EPHA6: variants seen among roughly 807,000 people sequenced by gnomAD.
The protein encoded by EPHA6 is ephrin type-A receptor 6.
Under a neutral mutation model 112.0 loss-of-function variants are expected in EPHA6, and 50 were observed. The ratio of observed to expected loss-of-function variants is 0.45; its 90% confidence interval spans 0.36 to 0.56. The LOEUF (loss-of-function observed/expected upper bound fraction) is 0.56, where lower values mean the gene tolerates loss of function less well. Ranked by LOEUF, EPHA6 falls within the 20% of genes least tolerant of loss-of-function variation. EPHA6 has a pLI of 0.00. For synonymous variants in EPHA6, 529 were observed against 490.7 expected (o/e 1.08, Z -1.03); for missense variants, 1,280 against 1,417.4 (o/e 0.90, Z 1.56).
At chr3:97,494,757 T>A (rs2091934888) in intron 10 of EPHA6, among the ~76,000 whole-genome samples, 1 of 152,198 alleles carries the variant, frequency 6.6e-6, no homozygotes, top group Non-Finnish European at 1.5e-5. Context: ...GTACTCGTTC[T>A]GCAAAATTGA....
chr3:97,423,195 A>G (rs2088819869), intron 6 of EPHA6, among the ~76,000 whole-genome samples: 1 of 152,186 alleles, frequency 6.6e-6, no homozygotes, highest in South Asian at 2.1e-4. Flanking sequence ...ATTCAAATAA[A>G]AAGAGAGGAA....
intron 3 of EPHA6, among the ~76,000 whole-genome samples, chr3:97,040,645 C>G (rs992803485): frequency 2.0e-5 from 3 of 151,972 alleles, no homozygotes; most frequent in African/African-American, 7.2e-5. Flanking sequence ...TATAATGATC[C>G]AAGCATTCAT....
intron 3 of EPHA6, among the ~76,000 whole-genome samples, chr3:97,053,262 G>A (rs1261161004): frequency 6.6e-5 from 10 of 152,048 alleles, no homozygotes; most frequent in Non-Finnish European, 7.4e-5. Context: ...TAGTAAGTAA[G>A]GGTAGAGGTT....
rs145390895 is a variant in EPHA6 at position 97,103,140 on chromosome 3, G to C, written c.1114+115147G>C. Among the ~76,000 whole-genome samples the C allele has an allele frequency of 3.1e-3, 465 of 152,010 alleles. 1 individual carries two copies. Among genetic ancestry groups the C allele is most frequent in the African/African-American group, 0.01 (430 of 41,486 alleles). On this transcript the variant is annotated intron_variant, in intron 3 of 17. Transcript: ENST00000389672. ...GTGCAGAAGCTCCTTAGTTTAATTT[G>C]GTCCCATTTGTCAATCTTTGCTTTT...
Position 97,226,402 on chromosome 3 carries a change from C to G in EPHA6, c.1253C>G (p.Pro418Arg). ...KGYFRAEKDPPSMACTRPPSA... is the reference protein window; with the variant it reads ...KGYFRAEKDPRSMACTRPPSA... Reference sequence around the variant, plus strand: ...TATTTCCGAGCTGAAAAAGACCCACCTTCTATGGCATGTACCAGTAAGTCT... The same window carrying G: ...TATTTCCGAGCTGAAAAAGACCCACGTTCTATGGCATGTACCAGTAAGTCT... Residue 418 changes from proline (P) to arginine (R), a missense_variant, in exon 4 of 18, where the codon CCT becomes CGT. Transcript: ENST00000389672. 1 of 1,613,276 alleles carries G rather than the reference C, an allele frequency of 6.2e-7. No individual in the cohort carries two copies. Among genetic ancestry groups the G allele is most frequent in the Non-Finnish European group, 8.5e-7 (1 of 1,179,566 alleles).
intron 1 of EPHA6, among the ~76,000 whole-genome samples, chr3:96,862,629 C>T (rs767166463): frequency 1.3e-5 from 2 of 151,750 alleles, no homozygotes; most frequent in Non-Finnish European, 2.9e-5. Context: ...AAATCTCATC[C>T]TTTTCTTACT....
intron 2 of EPHA6, among the ~76,000 whole-genome samples, chr3:96,915,037 A>G (rs562870738): frequency 3.4e-5 from 5 of 148,932 alleles, no homozygotes; most frequent in Non-Finnish European, 5.9e-5. Flanking sequence ...TAATATTATT[A>G]TTAAATAGTA....
intron 11 of EPHA6, among the ~76,000 whole-genome samples, chr3:97,577,785 T>G (rs896273811): frequency 6.6e-6 from 1 of 152,212 alleles, no homozygotes; most frequent in Non-Finnish European, 1.5e-5. Flanking sequence ...TAATCTTATC[T>G]TTTCCGGTTT....
At chr3:97,080,100 T>C (rs967925719) in intron 3 of EPHA6, among the ~76,000 whole-genome samples, 1 of 152,140 alleles carries the variant, frequency 6.6e-6, no homozygotes, top group African/African-American at 2.4e-5. Context: ...AATATCTCCA[T>C]GGTGTGCCTG....
At chr3:97,071,824 C>G (rs934651930) in intron 3 of EPHA6, among the ~76,000 whole-genome samples, 1 of 151,944 alleles carries the variant, frequency 6.6e-6, no homozygotes, top group East Asian at 1.9e-4. Context: ...ACCGATCACC[C>G]GAGCTCTATA....
At chr3:96,845,061 A>G (rs968195913) in intron 1 of EPHA6, among the ~76,000 whole-genome samples, 1 of 152,038 alleles carries the variant, frequency 6.6e-6, no homozygotes, top group East Asian at 1.9e-4. Context: ...TTCCAAGTAC[A>G]TAGATATTAG....
intron 5 of EPHA6, among the ~76,000 whole-genome samples, chr3:97,359,778 T>G (rs145731197): frequency 6.6e-6 from 1 of 152,238 alleles, no homozygotes; most frequent in African/African-American, 2.4e-5. Context: ...TTTTATTTTT[T>G]TTATTGCTAT....
chr3:97,686,871 C>A lies in EPHA6; in HGVS notation c.2785-33390C>A, dbSNP rs746911525. ...CATCTGTTAGTAAATATCTTACTACCCTCACCAGCTTTAGGGTATACATTG... is the reference window on the plus strand; with the variant it reads ...CATCTGTTAGTAAATATCTTACTACACTCACCAGCTTTAGGGTATACATTG... On this transcript the variant is annotated intron_variant, in intron 14 of 17. Transcript: ENST00000389672. Among the ~76,000 whole-genome samples, 2 of 152,120 alleles carry A rather than the reference C, an allele frequency of 1.3e-5. 1 individual carries two copies. The highest frequency in any genetic ancestry group is 2.9e-5 in the Non-Finnish European group (2 of 68,026).
Position 97,758,653 on chromosome 3 carries a change from G to A in EPHA6, c.*9952G>A, listed in dbSNP as rs970205412. ...ATGTGCTGTGCTTATAATTAAAAATGTTACATAGCATGACTGTGGCTCCTT... is the reference window on the plus strand; with the variant it reads ...ATGTGCTGTGCTTATAATTAAAAATATTACATAGCATGACTGTGGCTCCTT... On this transcript the variant is annotated 3_prime_UTR_variant, in exon 18 of 18. Transcript: ENST00000389672. 6.6e-6 allele frequency among the ~76,000 whole-genome samples: 1 copy of A among 152,062 alleles called. No homozygotes were observed. The highest frequency in any genetic ancestry group is 1.5e-5 in the Non-Finnish European group (1 of 67,880).
chr3:97,175,928 T>G (rs2076824131), intron 3 of EPHA6, among the ~76,000 whole-genome samples: 1 of 151,868 alleles, frequency 6.6e-6, no homozygotes, highest in South Asian at 2.1e-4. Flanking sequence ...AGATAGGCCT[T>G]CCAGTACTAT....
chr3:97,427,746 C>A (rs1455945593), intron 6 of EPHA6, among the ~76,000 whole-genome samples: 1 of 150,962 alleles, frequency 6.6e-6, no homozygotes, highest in Non-Finnish European at 1.5e-5. Context: ...TTAAAAAAAA[C>A]AACAAAACCA....
intron 10 of EPHA6, among the ~76,000 whole-genome samples, chr3:97,487,480 A>G (rs569681261): frequency 6.6e-6 from 1 of 152,322 alleles, no homozygotes; most frequent in East Asian, 1.9e-4. Flanking sequence ...ATCATTTCAT[A>G]TTAAATCACT....
intron 3 of EPHA6, among the ~76,000 whole-genome samples, chr3:97,017,540 A>G (rs548620614): frequency 2.2e-4 from 33 of 152,272 alleles, no homozygotes; most frequent in African/African-American, 6.0e-4. Flanking sequence ...CTAGGCCCCA[A>G]TGACTGAAAC....
At chr3:96,882,768 G>GTATATA (rs1553723519) in intron 2 of EPHA6, among the ~76,000 whole-genome samples, 1,630 of 148,890 alleles carry the variant, frequency 0.011, 12 homozygotes, top group Non-Finnish European at 0.017. Flanking sequence ...GTGTGTGTGT[G>GTATATA]TATAGTCAAT....
Sources: gnomAD v4.1 joint callset for allele counts (sites outside exome capture counted in the v4.1 genomes callset) on GRCh38, gnomAD v4.1.1 for gene constraint, MANE v1.5 for transcripts, NCBI Gene and HGNC (gene_info 2026-07-23, HGNC 2026-07-21) for gene names.